Variants in ZNF618 observed in about 807,000 individuals in gnomAD.
ZNF618 encodes the protein neural precursor cell expressed, developmentally down-regulated 10.
Under a neutral mutation model 103.0 loss-of-function variants are expected in ZNF618, and 34 were observed. That is an observed-to-expected ratio of 0.33 (90% CI 0.25 to 0.44). The LOEUF is 0.44. Ranked by LOEUF, ZNF618 falls within the 20% of genes least tolerant of loss-of-function variation. The pLI is 1.00. For synonymous variants in ZNF618, 551 were observed against 542.2 expected (o/e 1.02, Z -0.23); for missense variants, 1,059 against 1,295.4 (o/e 0.82, Z 2.80).
chr9:113,921,299 C>T (rs972060739), intron 1 of ZNF618, among the ~76,000 whole-genome samples: 9 of 152,200 alleles, frequency 5.9e-5, no homozygotes, highest in African/African-American at 2.2e-4. Flanking sequence ...CTCTGGACTT[C>T]AGAGAGAATG....
chr9:113,966,534 A>G (rs1414593834), intron 1 of ZNF618, among the ~76,000 whole-genome samples: 1 of 152,164 alleles, frequency 6.6e-6, no homozygotes, highest in African/African-American at 2.4e-5. Flanking sequence ...GCTGTGATGT[A>G]TTTGTAAGGA....
chr9:114,012,450 C>T (rs7042081), intron 9 of ZNF618, among the ~76,000 whole-genome samples: 85,872 of 152,018 alleles, frequency 0.56, 25,863 homozygotes, highest in East Asian at 0.67. Flanking sequence ...CTAACCCTGC[C>T]TACCTCCCAA....
At chr9:114,023,063 T>C (rs1012500431) in intron 10 of ZNF618, among the ~76,000 whole-genome samples, 3 of 152,118 alleles carry the variant, frequency 2.0e-5, no homozygotes, top group Admixed American at 1.3e-4. Context: ...TTCTTATGCC[T>C]TTCTTTATCC....
intron 2 of ZNF618, among the ~76,000 whole-genome samples, chr9:113,973,709 G>A (rs546753868): frequency 6.6e-6 from 1 of 152,326 alleles, no homozygotes; most frequent in Admixed American, 6.5e-5. Flanking sequence ...TGAAGGAAAT[G>A]CAGTTTTTGT....
intron 10 of ZNF618, chr9:114,028,274 C>T: frequency 5.8e-6 from 1 of 172,220 alleles, no homozygotes; most frequent in Non-Finnish European, 1.3e-5. Flanking sequence ...AGCCCCTTGC[C>T]CTAAAACCTT....
At chr9:114,009,118 T>G (rs1395187772) in intron 9 of ZNF618, among the ~76,000 whole-genome samples, 2 of 152,144 alleles carry the variant, frequency 1.3e-5, no homozygotes, top group Non-Finnish European at 2.9e-5. Flanking sequence ...TTGAGTGTTG[T>G]GGGCACACAG....
chr9:113,932,081 G>A (rs1833637059), intron 1 of ZNF618, among the ~76,000 whole-genome samples: 1 of 152,196 alleles, frequency 6.6e-6, no homozygotes, highest in South Asian at 2.1e-4. Context: ...ACTAAATGAT[G>A]AATGGAATTC....
chr9:113,894,661 A>T (rs1829888645), intron 1 of ZNF618, among the ~76,000 whole-genome samples: 1 of 152,182 alleles, frequency 6.6e-6, no homozygotes, highest in Non-Finnish European at 1.5e-5. Context: ...TTTTCCAAAT[A>T]AGTTTTGAGC....
At chr9:114,032,619 C>A in intron 11 of ZNF618, 26 bp from the exon 12 acceptor site, 1 of 1,611,734 alleles carries the variant, frequency 6.2e-7, no homozygotes, top group Non-Finnish European at 8.5e-7. Flanking sequence ...CCATTGTTTT[C>A]TTTCTCTCTC....
chr9:113,996,347 GT>G (rs901040047), intron 3 of ZNF618, among the ~76,000 whole-genome samples: 1 of 152,274 alleles, frequency 6.6e-6, no homozygotes, highest in Non-Finnish European at 1.5e-5. Flanking sequence ...CTACCCTTGC[GT>G]TTTTCTTCTC....
In ZNF618 at chr9:114,051,379, G is replaced by T. The variant is rs980022197; in HGVS notation, c.*1212G>T. 1 of 152,724 alleles carries T rather than the reference G, an allele frequency of 6.5e-6. No individual in the cohort carries two copies. The highest frequency in any genetic ancestry group is 2.4e-5 in the African/African-American group (1 of 41,430). The allele number at this position is 152,724 out of a possible 1,614,324, so 9.5% of individuals were successfully genotyped here. ...ACGGGTTCCACAGCTGCGGGGTTTG[G>T]TGGCCGTAGGGGAAGCAGTGGTTTG... On this transcript the variant is annotated 3_prime_UTR_variant, in exon 15 of 15. Transcript: ENST00000374126.
At chr9:114,007,162 C>T (rs780164776) in intron 6 of ZNF618, among the ~76,000 whole-genome samples, 188 bp from the exon 7 acceptor site, 1 of 152,202 alleles carries the variant, frequency 6.6e-6, no homozygotes, top group Non-Finnish European at 1.5e-5. Context: ...GCCCTCCCGG[C>T]TGTGCCCTTG....
intron 1 of ZNF618, among the ~76,000 whole-genome samples, chr9:113,951,410 T>C (rs1487738861): frequency 3.3e-5 from 4 of 122,138 alleles, no homozygotes; most frequent in Admixed American, 8.9e-5. Flanking sequence ...TACGTATATA[T>C]ACACACATAT....
chr9:114,016,126 A>G (rs915986089), intron 9 of ZNF618: 5 of 1,612,834 alleles, frequency 3.1e-6, no homozygotes, highest in Non-Finnish European at 4.2e-6. Context: ...ACAATATTAC[A>G]TCAGACATTT....
At chr9:113,890,618 A>G (rs13301669) in intron 1 of ZNF618, among the ~76,000 whole-genome samples, 28,469 of 152,194 alleles carry the variant, frequency 0.19, 3,299 homozygotes, top group Non-Finnish European at 0.25. Flanking sequence ...TCTCCTTAAC[A>G]TCACTGTTTG....
intron 4 of ZNF618, among the ~76,000 whole-genome samples, chr9:114,001,674 A>G (rs1244538267): frequency 2.6e-5 from 4 of 152,202 alleles, no homozygotes; most frequent in Non-Finnish European, 5.9e-5. Flanking sequence ...CTTTCAGAGC[A>G]CTTTTAACAT....
intron 6 of ZNF618, among the ~76,000 whole-genome samples, chr9:114,002,895 G>A (rs185792288): frequency 7.3e-4 from 111 of 152,362 alleles, no homozygotes; most frequent in Non-Finnish European, 1.2e-3. Context: ...GTTAGTGGGT[G>A]TTCTGTCCAT....
intron 10 of ZNF618, among the ~76,000 whole-genome samples, chr9:114,019,634 AT>A (rs1842914579): frequency 6.6e-6 from 1 of 152,100 alleles, no homozygotes; most frequent in Non-Finnish European, 1.5e-5. Context: ...CCACTTACAT[AT>A]TTTACTTTGG....
chr9:114,011,880 C>T (rs983872008), intron 9 of ZNF618, among the ~76,000 whole-genome samples: 15 of 152,244 alleles, frequency 9.9e-5, no homozygotes, highest in Middle Eastern at 3.4e-3. Context: ...ATCTGCATAT[C>T]CAAGAATTAC....
Sources: gnomAD v4.1 joint callset for allele counts (sites outside exome capture counted in the v4.1 genomes callset) on GRCh38, gnomAD v4.1.1 for gene constraint, MANE v1.5 for transcripts, NCBI Gene and HGNC (gene_info 2026-07-23, HGNC 2026-07-21) for gene names.